ADAM9: variants seen among roughly 807,000 people sequenced by gnomAD.
The protein encoded by ADAM9 is disintegrin and metalloproteinase domain-containing protein 9.
In ADAM9, 54 loss-of-function variants were observed where a neutral mutation model predicts 108.1. That is an observed-to-expected ratio of 0.50 (90% confidence interval 0.40 to 0.63). The LOEUF is 0.63. Among genes scored for constraint, ADAM9 ranks in the 20% least tolerant of loss-of-function variants. The pLI, the probability that ADAM9 is intolerant of heterozygous loss-of-function variation, is 0.00. For missense variants in ADAM9, 830 were observed against 997.7 expected, an observed-to-expected ratio of 0.83 and a Z score of 2.26; for synonymous variants, 316 against 336.0, an observed-to-expected ratio of 0.94 and a Z score of 0.65.
At chr8:39,026,959 C>CA in intron 11 of ADAM9, 149 bp downstream of exon 11, 2 of 724,400 alleles carry the variant, frequency 2.8e-6, no homozygotes, top group Non-Finnish European at 4.2e-6. Context: ...AATGAGAAGT[C>CA]TTTTTTTTTT....
intron 11 of ADAM9, among the ~76,000 whole-genome samples, chr8:39,029,598 A>G (rs573699920): frequency 2.8e-4 from 43 of 152,202 alleles, no homozygotes; most frequent in Non-Finnish European, 6.0e-4. Flanking sequence ...TTGTGAAAGA[A>G]TGTTGAATTT....
At chr8:39,063,979 G>C (rs1564334940) in intron 14 of ADAM9, among the ~76,000 whole-genome samples, 2 of 152,150 alleles carry the variant, frequency 1.3e-5, no homozygotes, top group Admixed American at 6.5e-5. Flanking sequence ...GGCACACACA[G>C]AAAATTTCAG....
At chr8:39,094,309 G>A (rs1839437527) in intron 20 of ADAM9, among the ~76,000 whole-genome samples, 2 of 152,134 alleles carry the variant, frequency 1.3e-5, no homozygotes, top group Non-Finnish European at 1.5e-5. Flanking sequence ...TTTATGTGCT[G>A]CTGAATTCAG....
intron 14 of ADAM9, among the ~76,000 whole-genome samples, chr8:39,058,730 TG>T (rs974236760): frequency 1.3e-4 from 20 of 152,174 alleles, no homozygotes; most frequent in Admixed American, 1.1e-3. Context: ...TGGCTCCTGG[TG>T]GCAGCATTCC....
intron 1 of ADAM9, among the ~76,000 whole-genome samples, chr8:39,004,618 C>G (rs1297921027): frequency 1.3e-5 from 2 of 152,180 alleles, no homozygotes; most frequent in South Asian, 2.1e-4. Flanking sequence ...AATGGCTACT[C>G]CACGAGCAGA....
chr8:39,058,580 G>C (rs147739280), intron 14 of ADAM9, among the ~76,000 whole-genome samples: 2 of 152,162 alleles, frequency 1.3e-5, no homozygotes, highest in Non-Finnish European at 2.9e-5. Flanking sequence ...TGGAGTAGTA[G>C]GCCAGTTTCC....
At chr8:39,080,794 T>G (rs1294693632) in intron 16 of ADAM9, among the ~76,000 whole-genome samples, 7 of 152,004 alleles carry the variant, frequency 4.6e-5, no homozygotes. Flanking sequence ...GTAGTTCAAT[T>G]TTGCTCCCCA....
chr8:39,018,924 A>T lies in ADAM9; in HGVS notation c.672+6A>T, dbSNP rs1415782661. ...TTGTCGTAGACAAGGAAAGGGTAAG[A>T]TTGGTGACAATTTTTCTTCTTTTCC... On this transcript the variant is annotated splice_donor_region_variant and intron_variant, in intron 7 of 21. Coordinates refer to ENST00000487273, the MANE Select transcript of ADAM9 (RefSeq NM_003816.3). The T allele has an allele frequency of 1.9e-6, 3 of 1,613,846 alleles. No homozygotes were observed. The highest frequency in any genetic ancestry group is 1.7e-6 in the Non-Finnish European group (2 of 1,179,840).
At chr8:39,028,055 T>C (rs1339959438) in intron 11 of ADAM9, among the ~76,000 whole-genome samples, 1 of 152,110 alleles carries the variant, frequency 6.6e-6, no homozygotes, top group Non-Finnish European at 1.5e-5. Context: ...GCCACTGCAC[T>C]CCAGCCTGGG....
rs566260372 is a variant in ADAM9 at position 39,014,153 on chromosome 8, C to A, written c.333+110C>A. 22 of 873,218 alleles carry A rather than the reference C, an allele frequency of 2.5e-5. No individual in the cohort carries two copies. The African/African-American group carries it at 3.2e-4, about 13-fold the overall frequency. 54.1% of individuals were successfully genotyped at this position (873,218 alleles called of 1,614,324 possible). On this transcript the variant is annotated intron_variant, in intron 4 of 21. Coordinates refer to ENST00000487273, the MANE Select transcript of ADAM9 (RefSeq NM_003816.3). ...TTACATTGCACAGCCCCACAGGGTA[C>A]CTTTAACATTATAACATATGGGTTA...
At chr8:39,086,379 C>T (rs1003084966) in intron 18 of ADAM9, among the ~76,000 whole-genome samples, 1 of 151,910 alleles carries the variant, frequency 6.6e-6, no homozygotes, top group African/African-American at 2.4e-5. Flanking sequence ...TTCTGTTACT[C>T]TTCAAGTTTA....
intron 14 of ADAM9, among the ~76,000 whole-genome samples, chr8:39,062,182 C>T (rs748892315): frequency 2.4e-4 from 37 of 152,244 alleles, no homozygotes; most frequent in Non-Finnish European, 4.0e-4. Context: ...GGTACACAAA[C>T]GTTCAGTATA....
At chr8:39,019,515 G>C (rs961107081) in intron 7 of ADAM9, among the ~76,000 whole-genome samples, 2 of 152,132 alleles carry the variant, frequency 1.3e-5, no homozygotes, top group Non-Finnish European at 2.9e-5. Flanking sequence ...AGAGATAATG[G>C]CTGTATAATT....
At chr8:39,008,938 A>G in intron 2 of ADAM9, among the ~76,000 whole-genome samples, 1 of 152,370 alleles carries the variant, frequency 6.6e-6, no homozygotes, top group East Asian at 1.9e-4. Context: ...ATTATAATTT[A>G]ACAATGACAG....
At chr8:39,002,657 A>G (rs945667855) in intron 1 of ADAM9, among the ~76,000 whole-genome samples, 1 of 152,094 alleles carries the variant, frequency 6.6e-6, no homozygotes, top group Non-Finnish European at 1.5e-5. Context: ...ACTTCCCTGT[A>G]CTACAATTAC....
chr8:39,077,102 A>T, intron 15 of ADAM9, 126 bp from the exon 16 acceptor site: 1 of 1,075,762 alleles, frequency 9.3e-7, no homozygotes, highest in Admixed American at 1.9e-5. Flanking sequence ...TCTTGCTCTC[A>T]TACACTTTCT....
chr8:39,092,580 T>C (rs180963946), intron 20 of ADAM9, among the ~76,000 whole-genome samples: 200 of 152,210 alleles, frequency 1.3e-3, no homozygotes, highest in Non-Finnish European at 2.1e-3. Flanking sequence ...ATATATAAAA[T>C]TTGCCATTTT....
chr8:39,052,333 G>T (rs1223014059), intron 12 of ADAM9, among the ~76,000 whole-genome samples: 2 of 151,886 alleles, frequency 1.3e-5, no homozygotes, highest in Middle Eastern at 3.4e-3. Flanking sequence ...CTTTTAAATT[G>T]ATTTTTAGAC....
At chr8:39,001,596 AG>A (rs1300226112) in intron 1 of ADAM9, among the ~76,000 whole-genome samples, 1 of 152,242 alleles carries the variant, frequency 6.6e-6, no homozygotes, top group Non-Finnish European at 1.5e-5. Flanking sequence ...TAAATATTTA[AG>A]AAAAGTGTAA....
Sources: allele counts gnomAD v4.1 joint callset (sites outside exome capture counted in the v4.1 genomes callset), GRCh38; gene constraint gnomAD v4.1.1; transcripts MANE v1.5; gene names NCBI Gene and HGNC (gene_info 2026-07-23, HGNC 2026-07-21).